Variants in CCDC40 observed in about 807,000 individuals in gnomAD.
CCDC40 encodes coiled-coil domain-containing protein 40.
In CCDC40, 104 loss-of-function variants were observed where a neutral mutation model predicts 124.5. The ratio of observed to expected loss-of-function variants is 0.84; its 90% confidence interval spans 0.71 to 0.98. CCDC40 has a LOEUF of 0.98. CCDC40 is among the 50% of genes least tolerant of loss of function. The probability of loss-of-function intolerance (pLI) is 0.00; values close to 1 mark genes in which losing one functional copy is unlikely to be tolerated. For missense variants in CCDC40, 1,463 were observed against 1,503.9 expected, an observed-to-expected ratio of 0.97 and a Z score of 0.45; for synonymous variants, 580 against 602.9, an observed-to-expected ratio of 0.96 and a Z score of 0.56.
intron 9 of CCDC40, among the ~76,000 whole-genome samples, 195 bp downstream of exon 9, chr17:80,059,175 A>G (rs1203398141): frequency 6.6e-6 from 1 of 152,118 alleles, no homozygotes; most frequent in Non-Finnish European, 1.5e-5. Context: ...CCGGATTCCT[A>G]TTCCTTCCCT....
At position 80,090,133 on chromosome 17, in the gene CCDC40, G is replaced by A. The variant is rs762572712; in HGVS notation, c.2832+249G>A. On this transcript the variant is annotated intron_variant, in intron 17 of 19. Transcript: ENST00000397545. ...CTTTTACCACACGCTTGCTTTTAAT[G>A]TGCAGAAATATTGCAGAACAACACA... 3.2e-5 allele frequency: 49 copies of A among 1,536,058 alleles called. No individual in the cohort carries two copies. In the South Asian group the frequency reaches 4.2e-4, roughly 13 times the overall value.
rs919516066 is a variant in CCDC40, at chr17:80,058,015, C to T, written c.1160-479C>T. ...TGGAAGCTGCTGCCTCTTCTAGCCT[C>T]GTCCTCTCTGGCCTGCACTGCTGTG... is the stretch of plus-strand genomic sequence containing the variant. On this transcript the variant is annotated intron_variant, in intron 7 of 19. Transcript: ENST00000397545. The surrounding 1 kb of genome is among the most constrained non-coding windows in gnomAD (Gnocchi z 4.2). 6.6e-6 allele frequency among the ~76,000 whole-genome samples: 1 copy of T among 152,204 alleles called. No individual in the cohort carries two copies. The highest frequency in any genetic ancestry group is 1.5e-5 in the Non-Finnish European group (1 of 68,030).
Position 80,036,668 on chromosome 17 carries a change from G to A in CCDC40, c.6G>A (p.Ala2=). The A allele has an allele frequency of 6.8e-7, 1 of 1,461,426 alleles. No individual in the cohort carries two copies. 90.5% of individuals were successfully genotyped at this position (1,461,426 alleles called of 1,614,324 possible). Residue 2 remains alanine (A), a synonymous_variant, in exon 1 of 20, where the codon GCG becomes GCA. Coordinates refer to ENST00000397545, the MANE Select transcript of CCDC40 (RefSeq NM_017950.4). M[A]EPGGAAGRSH... Reference sequence around the variant, plus strand: ...GCGTCGCCTAGCAACGGGAAATGGCGGAACCGGGCGGCGCGGCGGGCCGGT... The same window carrying A: ...GCGTCGCCTAGCAACGGGAAATGGCAGAACCGGGCGGCGCGGCGGGCCGGT...
At chr17:80,045,157 G>A (rs2037390579) in intron 3 of CCDC40, among the ~76,000 whole-genome samples, 4 of 152,208 alleles carry the variant, frequency 2.6e-5, no homozygotes, top group Admixed American at 2.6e-4. Flanking sequence ...AGAGACAGCC[G>A]GCGCCGAACA....
Position 80,066,246 on chromosome 17 carries a change from CAG to C in CCDC40, c.1562+643_1562+644del. On this transcript the variant is annotated intron_variant, in intron 10 of 19. Coordinates refer to ENST00000397545, the MANE Select transcript of CCDC40 (RefSeq NM_017950.4). This position sits in a 1 kb window ranked among gnomAD's most constrained non-coding sequence, Gnocchi z 4.4. ...TAGTCTCCACCCCTTGTGCCCAGCA[CAG>C]AGCCTGGCATACAGCAAGCGCTCAA... is the stretch of plus-strand genomic sequence containing the variant. 1.4e-6 allele frequency: 1 copy of C among 699,604 alleles called. No homozygotes were observed. The allele number at this position is 699,604 out of a possible 1,614,324, so 43.3% of individuals were successfully genotyped here.
At position 80,097,290 on chromosome 17, in the gene CCDC40, CAAAGAA is replaced by C; in HGVS notation, c.3069_3074del (p.Gln1023_Asn1025delinsHis). ...AACCGTCCTGGAACTGGAAGAAACA[CAAAGAA>C]ATGTGAGCAGCTCCCTCCTAGAGAA... On this transcript the variant is annotated inframe_deletion, in exon 19 of 20. Coordinates refer to ENST00000397545, the MANE Select transcript of CCDC40 (RefSeq NM_017950.4). 1.2e-6 allele frequency: 2 copies of C among 1,613,976 alleles called. No individual in the cohort carries two copies. Among genetic ancestry groups the C allele is most frequent in the Non-Finnish European group, 1.7e-6 (2 of 1,180,018 alleles).
At chr17:80,041,469 C>T (rs2143582650) in intron 3 of CCDC40, among the ~76,000 whole-genome samples, 1 of 151,448 alleles carries the variant, frequency 6.6e-6, no homozygotes, top group East Asian at 1.9e-4. Flanking sequence ...GATCGCACCC[C>T]TGTACTCCTG....
chr17:80,078,586 TTG>T (rs1171897404), intron 10 of CCDC40, among the ~76,000 whole-genome samples: 1 of 152,034 alleles, frequency 6.6e-6, no homozygotes, highest in Non-Finnish European at 1.5e-5. Flanking sequence ...GATCAATGTA[TTG>T]TGTGTGTGTG....
intron 12 of CCDC40, among the ~76,000 whole-genome samples, chr17:80,082,554 T>C (rs67747775): frequency 0.13 from 19,707 of 152,070 alleles, 1,643 homozygotes; most frequent in East Asian, 0.34. Context: ...GCTCCACCAT[T>C]TCCAGAGCAC....
At chr17:80,061,938 C>T (rs1276178110) in intron 9 of CCDC40, among the ~76,000 whole-genome samples, 1 of 152,144 alleles carries the variant, frequency 6.6e-6, no homozygotes, top group Non-Finnish European at 1.5e-5. Flanking sequence ...ATGCAGATAA[C>T]ATTTTTGTAT....
Position 80,086,351 on chromosome 17 carries a change from C to T in CCDC40, c.2449+135C>T. On this transcript the variant is annotated intron_variant, in intron 14 of 19. Transcript: ENST00000397545. This position sits in a 1 kb window ranked among gnomAD's most constrained non-coding sequence, Gnocchi z 5.5. ...GCCTTAAAAGCAAATAACAAACGCGCATGCTCCCTGTATTTTGTAAATGTG... is the reference window on the plus strand; with the variant it reads ...GCCTTAAAAGCAAATAACAAACGCGTATGCTCCCTGTATTTTGTAAATGTG... The T allele has an allele frequency of 1.4e-6, 1 of 725,132 alleles. No homozygotes were observed. The highest frequency in any genetic ancestry group is 2.4e-6 in the Non-Finnish European group (1 of 412,530). 44.9% of individuals were successfully genotyped at this position (725,132 alleles called of 1,614,324 possible).
In CCDC40 at chr17:80,036,686, G is replaced by A. The variant is rs754850477; in HGVS notation, c.24G>A (p.Ala8=). Residue 8 remains alanine, a synonymous_variant, in exon 1 of 20, where the codon GCG becomes GCA. Coordinates refer to ENST00000397545, the MANE Select transcript of CCDC40 (RefSeq NM_017950.4). MAEPGGA[A]GRSHPEDGSA... ...AAATGGCGGAACCGGGCGGCGCGGCGGGCCGGTAAGCCGGGCCGAGGGGCA... is the reference window on the plus strand; with the variant it reads ...AAATGGCGGAACCGGGCGGCGCGGCAGGCCGGTAAGCCGGGCCGAGGGGCA... The A allele has an allele frequency of 6.8e-7, 1 of 1,462,738 alleles. No individual in the cohort carries two copies. Among genetic ancestry groups the A allele is most frequent in the South Asian group, 1.3e-5 (1 of 75,236 alleles). 90.6% of individuals were successfully genotyped at this position (1,462,738 alleles called of 1,614,324 possible).
intron 10 of CCDC40, chr17:80,067,382 C>T: frequency 1.7e-6 from 1 of 601,168 alleles, no homozygotes; most frequent in East Asian, 2.8e-5. Flanking sequence ...GGATCCCCTG[C>T]CTAACTTGTG....
rs775891024 is a variant in CCDC40 at position 80,081,712 on chromosome 17, G to T, written c.1729G>T (p.Val577Leu). 1.9e-6 allele frequency: 3 copies of T among 1,614,182 alleles called. No individual in the cohort carries two copies. The highest frequency in any genetic ancestry group is 2.5e-6 in the Non-Finnish European group (3 of 1,180,038). The stretch of plus-strand genomic sequence containing the variant: ...CACCACCCAGTGCCTGACCAAGCAG[G>T]TGGCCCTGCAGAGCCAGTTCAATAC... ...KLTTQCLTKQ[V>L]ALQSQFNTYR... The change falls in exon 11 of 20, where the codon GTG (valine) becomes TTG (leucine). Residue 577 changes from valine (V) to leucine (L), a missense_variant. Coordinates refer to ENST00000397545, the MANE Select transcript of CCDC40 (RefSeq NM_017950.4).
chr17:80,099,817 A>G lies in CCDC40; in HGVS notation c.*42A>G. 1 of 1,605,792 alleles carries G rather than the reference A, an allele frequency of 6.2e-7. No individual in the cohort carries two copies. The highest frequency in any genetic ancestry group is 8.5e-7 in the Non-Finnish European group (1 of 1,177,370). ...CGCCTTGCAAGGCCTCCAGGAAGAG[A>G]TCCGGAATTGTGTTTGTCATGAGGG... On this transcript the variant is annotated 3_prime_UTR_variant, in exon 20 of 20. Coordinates refer to ENST00000397545, the MANE Select transcript of CCDC40 (RefSeq NM_017950.4).
chr17:80,090,844 AT>A, intron 17 of CCDC40: 3 of 1,150,030 alleles, frequency 2.6e-6, no homozygotes, highest in Non-Finnish European at 3.2e-6. Context: ...CTGCTGAGTT[AT>A]TTTTCAGATC....
chr17:80,047,485 T>C lies in CCDC40; in HGVS notation c.676+83T>C, dbSNP rs1051524207. 15 of 1,428,222 alleles carry C rather than the reference T, an allele frequency of 1.1e-5. No homozygotes were observed. In the African/African-American group the frequency reaches 2.0e-4, roughly 19 times the overall value. The allele number at this position is 1,428,222 out of a possible 1,614,324, so 88.5% of individuals were successfully genotyped here. A position where few individuals can be genotyped will look rare whatever the true frequency, so the allele number is the denominator to read the frequency against. ...TTCTGTGCAAGGGATGCCACTCGTTTGTCATCCGTTACCTGTTTCCTGAGT... is the reference window on the plus strand; with the variant it reads ...TTCTGTGCAAGGGATGCCACTCGTTCGTCATCCGTTACCTGTTTCCTGAGT... On this transcript the variant is annotated intron_variant, in intron 4 of 19. Transcript: ENST00000397545.
rs777196457 is a variant in CCDC40 at position 80,084,906 on chromosome 17, G to A, written c.2153G>A (p.Arg718Gln). Reference protein sequence around the residue: ...LITNSQSEISRRTILIERKQG... With the variant: ...LITNSQSEISQRTILIERKQG... ...ACCAACAGCCAGAGCGAGATCTCCC[G>A]GCGCACGATCCTGATCGAGAGGAAG... is the stretch of plus-strand genomic sequence containing the variant. The change falls in exon 13 of 20, where the codon CGG becomes CAG. Residue 718 changes from arginine (R) to glutamine (Q), a missense_variant. Physicochemically the swap from Arg to Gln is conservative, Grantham distance 43 (BLOSUM62 1). Coordinates refer to ENST00000397545, the MANE Select transcript of CCDC40 (RefSeq NM_017950.4). 3.0e-5 allele frequency: 49 copies of A among 1,613,950 alleles called. No individual in the cohort carries two copies. The highest frequency in any genetic ancestry group is 9.9e-5 in the South Asian group (9 of 91,092).
At chr17:80,067,765 G>A in intron 10 of CCDC40, 2 of 1,479,130 alleles carry the variant, frequency 1.4e-6, no homozygotes, top group Non-Finnish European at 1.8e-6. Flanking sequence ...TGCTAAGTAG[G>A]ATTGTGACAG....
Sources: gnomAD v4.1 joint callset for allele counts (sites outside exome capture counted in the v4.1 genomes callset) on GRCh38, gnomAD v4.1.1 for gene constraint, Gnocchi (gnomAD v3.1) non-coding constraint, MANE v1.5 for transcripts, NCBI Gene and HGNC (gene_info 2026-07-23, HGNC 2026-07-21) for gene names.